DCAF6: variants seen among roughly 807,000 people sequenced by gnomAD.
The protein encoded by DCAF6 is DDB1- and CUL4-associated factor 6.
DCAF6 carries 54 observed loss-of-function variants against 125.1 expected under a neutral mutation model. That is an observed-to-expected ratio of 0.43 (90% CI 0.35 to 0.54). The LOEUF is 0.54. Among genes scored for constraint, DCAF6 ranks in the 20% least tolerant of loss-of-function variants. DCAF6 has a pLI of 0.01. For synonymous variants in DCAF6, 371 were observed against 390.4 expected, an observed-to-expected ratio of 0.95 and a Z score of 0.58; for missense variants, 934 against 1,161.7, an observed-to-expected ratio of 0.80 and a Z score of 2.85.
chr1:167,904,081 GCTT>G, the DCAF6 span: 2 of 501,784 alleles, frequency 4.0e-6, no homozygotes, highest in Non-Finnish European at 3.4e-6. Context: ...GCGGGCCTCA[GCTT>G]TTTTTTTTTT....
the DCAF6 span, among the ~76,000 whole-genome samples, chr1:167,903,011 T>A: frequency 6.6e-6 from 1 of 152,122 alleles, no homozygotes; most frequent in Non-Finnish European, 1.5e-5. Context: ...TCCCAGCACT[T>A]TGGGAGGCTG....
At chr1:168,035,464 A>C (rs2103348043) in intron 12 of DCAF6, among the ~76,000 whole-genome samples, 1 of 152,306 alleles carries the variant, frequency 6.6e-6, no homozygotes, top group South Asian at 2.1e-4. Flanking sequence ...AAACAAAAAC[A>C]AAACAACCTG....
the DCAF6 span, chr1:167,870,150 G>T: frequency 8.2e-7 from 1 of 1,226,224 alleles, no homozygotes; most frequent in Non-Finnish European, 1.2e-6. Context: ...TCCAATAATT[G>T]TAGGTTATAG....
At chr1:168,016,001 A>G (rs910418734) in intron 11 of DCAF6, 50 bp downstream of exon 11, 5 of 1,367,438 alleles carry the variant, frequency 3.7e-6, no homozygotes, top group Non-Finnish European at 3.8e-6. Context: ...GTTTTTTAAT[A>G]CTGCTACTGT....
the DCAF6 span, among the ~76,000 whole-genome samples, chr1:167,864,423 G>A: frequency 2.4e-3 from 372 of 152,280 alleles, no homozygotes; most frequent in African/African-American, 8.2e-3. Context: ...AGCCTAGACA[G>A]GTCCCTTGTT....
the DCAF6 span, chr1:167,893,729 T>C: frequency 1.6e-6 from 1 of 625,014 alleles, no homozygotes; most frequent in South Asian, 1.7e-5. Context: ...AGGAAGTCTT[T>C]TTATTTTAAT....
chr1:167,984,301 A>C (rs1270608898), intron 4 of DCAF6, among the ~76,000 whole-genome samples: 2 of 152,196 alleles, frequency 1.3e-5, no homozygotes, highest in Non-Finnish European at 2.9e-5. Context: ...AGGAAGGTTA[A>C]ATTGTGAGGA....
chr1:168,068,275 G>T, intron 20 of DCAF6, 83 bp from the exon 21 acceptor site: 1 of 902,826 alleles, frequency 1.1e-6, no homozygotes, highest in Non-Finnish European at 1.8e-6. Flanking sequence ...GGTACTGGCT[G>T]ATTGTTTACG....
chr1:168,072,333 A>C (rs933765073), intron 21 of DCAF6, among the ~76,000 whole-genome samples: 2 of 149,236 alleles, frequency 1.3e-5, no homozygotes, highest in Non-Finnish European at 3.0e-5. Flanking sequence ...AAAGAAAAGA[A>C]AAGTCTTCCC....
At chr1:168,007,962 CTTTTTTTTT>C (rs35185748) in intron 10 of DCAF6, among the ~76,000 whole-genome samples, 43 of 67,480 alleles carry the variant, frequency 6.4e-4, no homozygotes, top group Admixed American at 8.2e-4. Flanking sequence ...TGTTGTACAT[CTTTTTTTTT>C]TTTTTTTTTT....
chr1:167,959,377 C>T (rs1040514432), intron 2 of DCAF6, among the ~76,000 whole-genome samples: 1 of 152,238 alleles, frequency 6.6e-6, no homozygotes. Flanking sequence ...CGTTTACGTT[C>T]GTGTGCAGGT....
chr1:167,978,035 C>T (rs929679571), intron 4 of DCAF6, among the ~76,000 whole-genome samples: 3 of 151,802 alleles, frequency 2.0e-5, no homozygotes, highest in African/African-American at 4.8e-5. Context: ...GCTTTTTTTG[C>T]TGAGCAAAAT....
chr1:167,924,098 T>G, the DCAF6 span, among the ~76,000 whole-genome samples: 2 of 152,184 alleles, frequency 1.3e-5, no homozygotes, highest in Admixed American at 6.5e-5. Context: ...TCCATCTACT[T>G]TTTGAGAGTA....
chr1:168,048,918 G>A (rs1268463787), intron 16 of DCAF6, among the ~76,000 whole-genome samples: 1 of 152,206 alleles, frequency 6.6e-6, no homozygotes, highest in Non-Finnish European at 1.5e-5. Flanking sequence ...CTGCTCTATA[G>A]TAATCAGTGT....
chr1:167,915,087 C>T, the DCAF6 span, among the ~76,000 whole-genome samples: 7 of 152,152 alleles, frequency 4.6e-5, no homozygotes, highest in African/African-American at 1.4e-4. Flanking sequence ...CCAGTAGAGA[C>T]CTTTGTTTTA....
chr1:168,045,149 C>T lies in DCAF6; in HGVS notation c.2180C>T (p.Ala727Val), dbSNP rs974370980. ...AHEETSTRDS[A>V]LQDTDDSDDD... Reference sequence around the variant, plus strand: ...GAAGAAACATCCACCAGGGACTCTGCTCTTCAGGACACAGATGACAGTGAT... The same window carrying T: ...GAAGAAACATCCACCAGGGACTCTGTTCTTCAGGACACAGATGACAGTGAT... The change falls in exon 16 of 22, where the codon GCT becomes GTT. Residue 727 changes from alanine (A) to valine (V), a missense_variant. Ala to Val is a moderately conservative substitution (Grantham distance 64). This residue lies in a region of DCAF6 where 559 missense variants were observed against 635.5 expected (regional missense o/e 0.88). Coordinates refer to ENST00000367840, the MANE Select transcript of DCAF6 (RefSeq NM_001198956.2). 1 of 1,613,976 alleles carries T rather than the reference C, an allele frequency of 6.2e-7. No individual in the cohort carries two copies. The highest frequency in any genetic ancestry group is 1.3e-5 in the African/African-American group (1 of 75,052).
At chr1:167,904,079 C>T in the DCAF6 span, 2 of 559,230 alleles carry the variant, frequency 3.6e-6, no homozygotes, top group Admixed American at 6.1e-5. Flanking sequence ...CAGCGGGCCT[C>T]AGCTTTTTTT....
intron 4 of DCAF6, among the ~76,000 whole-genome samples, chr1:167,977,733 C>G (rs1165926219): frequency 6.6e-6 from 1 of 152,126 alleles, no homozygotes; most frequent in Admixed American, 6.5e-5. Context: ...TTAGCCATAT[C>G]AGACCTGCTT....
chr1:167,870,240 CA>C, the DCAF6 span: 2 of 1,613,910 alleles, frequency 1.2e-6, no homozygotes, highest in South Asian at 2.2e-5. Context: ...ACAGAACAAT[CA>C]TTCCAAGACA....
Sources: allele counts gnomAD v4.1 joint callset (sites outside exome capture counted in the v4.1 genomes callset), GRCh38; gene constraint gnomAD v4.1.1; regional missense constraint gnomAD v4.1.1; transcripts MANE v1.5; gene names NCBI Gene and HGNC (gene_info 2026-07-23, HGNC 2026-07-21).